ANO2: variants seen among roughly 807,000 people sequenced by gnomAD.
ANO2 encodes anoctamin 2.
ANO2 carries 101 observed loss-of-function variants against 124.2 expected under a neutral mutation model. That is an observed-to-expected ratio of 0.81 (90% confidence interval 0.69 to 0.96). The LOEUF is 0.96. Ranked by LOEUF, ANO2 falls within the 40% of genes least tolerant of loss-of-function variation. ANO2 has a pLI of 0.00. For synonymous variants in ANO2, 486 were observed against 482.5 expected, an observed-to-expected ratio of 1.01 and a Z score of -0.09; for missense variants, 1,293 against 1,274.5, an observed-to-expected ratio of 1.01 and a Z score of -0.22.
At chr12:5,813,848 T>C (rs1330443437) in intron 7 of ANO2, among the ~76,000 whole-genome samples, 1 of 152,152 alleles carries the variant, frequency 6.6e-6, no homozygotes, top group African/African-American at 2.4e-5. Context: ...GAAAGAAGCT[T>C]AGAGAGCACT....
Position 5,695,998 on chromosome 12 carries a change from AG to A in ANO2, c.1545+36521del, listed in dbSNP as rs576375534. On this transcript the variant is annotated intron_variant, in intron 14 of 24. Coordinates refer to ENST00000682330, the MANE Select transcript of ANO2 (RefSeq NM_001364791.2). ...GGCACATAAATATGTGTTGAGTTAC[AG>A]GGGGAAAAAATAGTAAATGAAAAAA... Among the ~76,000 whole-genome samples, 695 of 152,294 alleles carry A rather than the reference AG, an allele frequency of 4.6e-3. 5 individuals are homozygous for A. Among genetic ancestry groups the A allele is most frequent in the Middle Eastern group, 0.027 (8 of 294 alleles).
intron 3 of ANO2, among the ~76,000 whole-genome samples, chr12:5,903,265 G>A (rs1268687689): frequency 6.6e-6 from 1 of 152,058 alleles, no homozygotes; most frequent in Non-Finnish European, 1.5e-5. Context: ...GAGTTTGAGG[G>A]ATCTTTGGAC....
chr12:5,836,267 G>A (rs2137225339), intron 4 of ANO2, among the ~76,000 whole-genome samples: 1 of 152,252 alleles, frequency 6.6e-6, no homozygotes, highest in Non-Finnish European at 1.5e-5. Context: ...GATAAACAAT[G>A]AATAATCTTT....
intron 16 of ANO2, among the ~76,000 whole-genome samples, chr12:5,631,890 C>T (rs948552810): frequency 6.6e-6 from 1 of 152,110 alleles, no homozygotes; most frequent in Non-Finnish European, 1.5e-5. Flanking sequence ...AGGGTGCTGA[C>T]TGGGAGCAAT....
At chr12:5,785,969 C>T (rs1292099265) in intron 10 of ANO2, among the ~76,000 whole-genome samples, 2 of 150,726 alleles carry the variant, frequency 1.3e-5, no homozygotes, top group Non-Finnish European at 1.5e-5. Context: ...CTACAAAATG[C>T]TCCAGATGTG....
intron 19 of ANO2, among the ~76,000 whole-genome samples, chr12:5,610,617 A>T (rs1052813552): frequency 1.6e-4 from 23 of 143,206 alleles, no homozygotes; most frequent in Non-Finnish European, 1.4e-4. Context: ...TTATATATGT[A>T]TATATTTATA....
rs1284115065 is a variant in ANO2, at chr12:5,577,948, T to C, written c.2439+7A>G. On this transcript the variant is annotated splice_region_variant and intron_variant, in intron 22 of 24. Transcript: ENST00000682330. ...AGAGCGAGTGTGTCATGAATGCAAG[T>C]ACTTACGTTGCTGATAACAGAGAAC... 3 of 1,612,968 alleles carry C rather than the reference T, an allele frequency of 1.9e-6. No individual in the cohort carries two copies. The highest frequency in any genetic ancestry group is 2.5e-6 in the Non-Finnish European group (3 of 1,179,194).
At chr12:5,796,438 A>C (rs1309584835) in intron 10 of ANO2, among the ~76,000 whole-genome samples, 1 of 150,918 alleles carries the variant, frequency 6.6e-6, no homozygotes, top group Non-Finnish European at 1.5e-5. Flanking sequence ...ACTCACACAC[A>C]TGCACTCACA....
At chr12:5,738,275 T>C (rs1352649405) in intron 13 of ANO2, among the ~76,000 whole-genome samples, 1 of 152,208 alleles carries the variant, frequency 6.6e-6, no homozygotes, top group Non-Finnish European at 1.5e-5. Flanking sequence ...AAATTAGGGA[T>C]TCCACTTCTT....
intron 7 of ANO2, among the ~76,000 whole-genome samples, chr12:5,815,362 C>T (rs1347954125): frequency 1.3e-5 from 2 of 152,162 alleles, no homozygotes; most frequent in Non-Finnish European, 2.9e-5. Context: ...GCAAACAATC[C>T]TAATAATGCT....
intron 14 of ANO2, among the ~76,000 whole-genome samples, chr12:5,659,338 A>C (rs1488370370): frequency 6.6e-6 from 1 of 152,076 alleles, no homozygotes; most frequent in Non-Finnish European, 1.5e-5. Context: ...AGCTCCTGTC[A>C]CCATAATGTC....
chr12:5,724,984 C>T (rs1166516628), intron 14 of ANO2, among the ~76,000 whole-genome samples: 1 of 152,036 alleles, frequency 6.6e-6, no homozygotes, highest in African/African-American at 2.4e-5. Flanking sequence ...TTCTTTGCAT[C>T]TTGACACAAA....
rs185315755 is a variant in ANO2, at chr12:5,715,159, G to C, written c.1545+17361C>G. Among the ~76,000 whole-genome samples, 23 of 152,144 alleles carry C rather than the reference G, an allele frequency of 1.5e-4. No homozygotes were observed. The East Asian group carries it at 4.1e-3, about 27-fold the overall frequency. ...AATAAGAAAAATGTTCCCTTTCTCG[G>C]AAGTCAGACTGACCCTACTTGTCCT... On this transcript the variant is annotated intron_variant, in intron 14 of 24. Coordinates refer to ENST00000682330, the MANE Select transcript of ANO2 (RefSeq NM_001364791.2).
At chr12:5,583,378 G>A (rs573893889) in intron 20 of ANO2, among the ~76,000 whole-genome samples, 30 of 152,270 alleles carry the variant, frequency 2.0e-4, no homozygotes, top group African/African-American at 6.7e-4. Context: ...TTCTGGCTGG[G>A]CGCGGTGGCT....
At chr12:5,871,133 C>T (rs766271297) in intron 3 of ANO2, among the ~76,000 whole-genome samples, 27 of 152,138 alleles carry the variant, frequency 1.8e-4, no homozygotes, top group African/African-American at 6.3e-4. Flanking sequence ...CACAGGAAAA[C>T]GGCCATAGAG....
chr12:5,945,753 C>A (rs1943075897), upstream of ANO2, among the ~76,000 whole-genome samples: 1 of 152,328 alleles, frequency 6.6e-6, no homozygotes, highest in Admixed American at 6.5e-5. Context: ...TAGGTGGAGA[C>A]CAGCTGTCCT....
At chr12:5,697,787 A>G (rs973223230) in intron 14 of ANO2, among the ~76,000 whole-genome samples, 1 of 152,220 alleles carries the variant, frequency 6.6e-6, no homozygotes, top group Non-Finnish European at 1.5e-5. Context: ...GGTCCTAGCA[A>G]ATGGCACACC....
Position 5,635,419 on chromosome 12 carries a change from A to AGCAAATG in ANO2, c.1621-73_1621-72insCATTTGC. ...AGCACCTACTATTTGCTCTGCCAAC[A>AGCAAATG]GTACCATTTGCTGTTATCAGATATT... On this transcript the variant is annotated intron_variant, in intron 15 of 24. Transcript: ENST00000682330. The surrounding 1 kb of genome is among the most constrained non-coding windows in gnomAD (Gnocchi z 5.2). The AGCAAATG allele has an allele frequency of 8.2e-7, 1 of 1,216,228 alleles. No homozygotes were observed. The highest frequency in any genetic ancestry group is 1.1e-6 in the Non-Finnish European group (1 of 907,836). 75.3% of individuals were successfully genotyped at this position (1,216,228 alleles called of 1,614,324 possible).
chr12:5,903,647 A>ATGTGTGTGTGTGTGTG (rs143239619), intron 3 of ANO2, among the ~76,000 whole-genome samples: 16 of 148,548 alleles, frequency 1.1e-4, no homozygotes, highest in African/African-American at 3.2e-4. Context: ...ATGTGCAAAG[A>ATGTGTGTGTGTGTGTG]TGTGTGTGTG....
Sources: allele counts gnomAD v4.1 joint callset (sites outside exome capture counted in the v4.1 genomes callset), GRCh38; gene constraint gnomAD v4.1.1; non-coding constraint Gnocchi (gnomAD v3.1); transcripts MANE v1.5; gene names NCBI Gene and HGNC (gene_info 2026-07-23, HGNC 2026-07-21).